Variants in COL14A1 observed in about 807,000 individuals in gnomAD.
COL14A1 encodes the protein collagen type XIV alpha 1 chain.
Under a neutral mutation model 230.3 loss-of-function variants are expected in COL14A1, and 136 were observed. The observed-to-expected ratio is 0.59, with a 90% CI of 0.51 to 0.68. The LOEUF (loss-of-function observed/expected upper bound fraction) is 0.68. Ranked by LOEUF, COL14A1 falls within the 30% of genes least tolerant of loss-of-function variation. The pLI is 0.00. For synonymous variants in COL14A1, 792 were observed against 784.1 expected (o/e 1.01, Z -0.17); for missense variants, 1,976 against 2,215.8 (o/e 0.89, Z 2.17).
At chr8:120,275,535 G>A (rs1218343038) in intron 26 of COL14A1, among the ~76,000 whole-genome samples, 1 of 151,030 alleles carries the variant, frequency 6.6e-6, no homozygotes, top group Non-Finnish European at 1.5e-5. Context: ...AATCATCAGA[G>A]TAAACAGAAA....
chr8:120,251,604 T>C (rs1317109002), intron 22 of COL14A1, among the ~76,000 whole-genome samples: 1 of 152,216 alleles, frequency 6.6e-6, no homozygotes, highest in African/African-American at 2.4e-5. Context: ...CTGTGTGCCA[T>C]ATTCCTGAAG....
chr8:120,216,512 A>G (rs775771947), intron 14 of COL14A1, 22 bp downstream of exon 14: 19 of 1,598,906 alleles, frequency 1.2e-5, no homozygotes, highest in Middle Eastern at 1.7e-4. Flanking sequence ...GACATAATGT[A>G]TATTTTTTAG....
intron 3 of COL14A1, among the ~76,000 whole-genome samples, chr8:120,161,644 T>C (rs577248398): frequency 2.0e-5 from 3 of 152,228 alleles, no homozygotes; most frequent in African/African-American, 7.2e-5. Context: ...ATAATTACCT[T>C]CGGCCTGCCC....
In COL14A1 at chr8:120,308,123, A is replaced by C. The variant is rs1244309191; in HGVS notation, c.4402-1886A>C. Among the ~76,000 whole-genome samples, 3 of 152,222 alleles carry C rather than the reference A, an allele frequency of 2.0e-5. No individual in the cohort carries two copies. The East Asian group carries it at 5.8e-4, about 29-fold the overall frequency. On this transcript the variant is annotated intron_variant, in intron 36 of 47. Coordinates refer to ENST00000297848, the MANE Select transcript of COL14A1 (RefSeq NM_021110.4). Reference sequence around the variant, plus strand: ...CAACCTCCCAAATAGCTGGGATTGCAGGCCTGTGCCACCACACTCAGCTAA... The same window carrying C: ...CAACCTCCCAAATAGCTGGGATTGCCGGCCTGTGCCACCACACTCAGCTAA...
intron 17 of COL14A1, among the ~76,000 whole-genome samples, chr8:120,227,564 AT>A (rs1818138429): frequency 6.6e-6 from 1 of 152,200 alleles, no homozygotes; most frequent in South Asian, 2.1e-4. Context: ...GGCAGGGACC[AT>A]ATCTGTGTTG....
Position 120,178,139 on chromosome 8 carries a change from T to G in COL14A1, c.436+9892T>G, listed in dbSNP as rs1034845648. Among the ~76,000 whole-genome samples the G allele has an allele frequency of 1.7e-3, 254 of 152,148 alleles. 4 individuals are homozygous for G. Among genetic ancestry groups the G allele is most frequent in the Non-Finnish European group, 9.7e-4 (66 of 67,996 alleles). On this transcript the variant is annotated intron_variant, in intron 5 of 47. Coordinates refer to ENST00000297848, the MANE Select transcript of COL14A1 (RefSeq NM_021110.4). ...TGGGATACATGTGCAGAACGTGCAGTTTTGTTACGTAGGTATACACGTGGC... is the reference window on the plus strand; with the variant it reads ...TGGGATACATGTGCAGAACGTGCAGGTTTGTTACGTAGGTATACACGTGGC...
At position 120,217,992 on chromosome 8, in the gene COL14A1, AAT is replaced by A. The variant is rs1240670105; in HGVS notation, c.1737+1509_1737+1510del. 2.8e-5 allele frequency among the ~76,000 whole-genome samples: 4 copies of A among 141,622 alleles called. No homozygotes were observed. The Admixed American group carries it at 3.0e-4, about 11-fold the overall frequency. 92.9% of individuals were successfully genotyped at this position (141,622 alleles called of 152,430 possible). A position where few individuals can be genotyped will look rare whatever the true frequency, so the allele number is the denominator to read the frequency against. On this transcript the variant is annotated intron_variant, in intron 14 of 47. Transcript: ENST00000297848. ...TTTAAATATATAATATATATTTACA[AAT>A]ATATATTATATATTTAAATTATATA...
chr8:120,247,507 A>G, intron 20 of COL14A1, 106 bp from the exon 21 acceptor site: 2 of 1,089,010 alleles, frequency 1.8e-6, no homozygotes, highest in Non-Finnish European at 2.5e-6. Context: ...ACTTTTAAAT[A>G]TTTTTAATTT....
At chr8:120,217,390 G>A (rs1429950958) in intron 14 of COL14A1, among the ~76,000 whole-genome samples, 1 of 152,140 alleles carries the variant, frequency 6.6e-6, no homozygotes, top group South Asian at 2.1e-4. Context: ...TAGCAAAACA[G>A]CGAGGTTATT....
Position 120,278,463 on chromosome 8 carries a change from C to T in COL14A1, c.3366C>T (p.Thr1122=), listed in dbSNP as rs1429020770. The T allele has an allele frequency of 1.2e-6, 2 of 1,612,784 alleles. No homozygotes were observed. The highest frequency in any genetic ancestry group is 1.1e-5 in the South Asian group (1 of 90,940). The change falls in exon 28 of 48, where the codon ACC becomes ACT. Residue 1122 remains threonine (T), a synonymous_variant. Coordinates refer to ENST00000297848, the MANE Select transcript of COL14A1 (RefSeq NM_021110.4). ...AAGCAATTAAGTATGTTCGAGATAC[C>T]TTGTTCACTGCAGAGTCAGGTACAA... ...TGKAIKYVRD[T]LFTAESGTRR...
chr8:120,255,308 G>C lies in COL14A1; in HGVS notation c.2821G>C (p.Val941Leu), dbSNP rs1470311497. ...EMTSLCAHWQ[V>L]HRHATAYRVV... ...GACCAGCTTGTGTGCCCACTGGCAGGTACATCGCCATGCCACAGCCTATAG... is the reference window on the plus strand; with the variant it reads ...GACCAGCTTGTGTGCCCACTGGCAGCTACATCGCCATGCCACAGCCTATAG... Residue 941 changes from valine to leucine, a missense_variant, in exon 23 of 48, where the codon GTA (valine) becomes CTA (leucine). Val to Leu is a conservative substitution (Grantham distance 32, BLOSUM62 1). Around this residue, in one of 3 missense-constraint regions of COL14A1, gnomAD observed 1,791 missense variants for 2,019.5 expected, o/e 0.89. Transcript: ENST00000297848. 23 of 1,614,142 alleles carry C rather than the reference G, an allele frequency of 1.4e-5. No homozygotes were observed. Among genetic ancestry groups the C allele is most frequent in the Non-Finnish European group, 1.9e-5 (23 of 1,180,004 alleles).
At chr8:120,176,573 T>C (rs1816289287) in intron 5 of COL14A1, among the ~76,000 whole-genome samples, 1 of 152,124 alleles carries the variant, frequency 6.6e-6, no homozygotes, top group Non-Finnish European at 1.5e-5. Flanking sequence ...TTCAACATGG[T>C]AAAAATGGGA....
intron 42 of COL14A1, among the ~76,000 whole-genome samples, chr8:120,339,441 G>A (rs1320392170): frequency 2.6e-5 from 4 of 152,044 alleles, no homozygotes; most frequent in Admixed American, 1.3e-4. Context: ...TCCTTTCCTC[G>A]GAAGCCCAGA....
intron 13 of COL14A1, among the ~76,000 whole-genome samples, chr8:120,215,911 G>T (rs994961490): frequency 2.0e-5 from 3 of 152,174 alleles, no homozygotes; most frequent in Non-Finnish European, 4.4e-5. Flanking sequence ...AGATACCAAC[G>T]TGGAAATGGC....
At chr8:120,207,277 A>G (rs1817465822) in intron 10 of COL14A1, among the ~76,000 whole-genome samples, 183 bp downstream of exon 10, 2 of 152,232 alleles carry the variant, frequency 1.3e-5, no homozygotes, top group Admixed American at 6.5e-5. Flanking sequence ...TGGCAATTAC[A>G]TCTTTCATCT....
At chr8:120,331,267 C>T (rs1017965724) in intron 40 of COL14A1, among the ~76,000 whole-genome samples, 5 of 152,062 alleles carry the variant, frequency 3.3e-5, no homozygotes, top group Admixed American at 1.3e-4. Context: ...ATAATTATTC[C>T]AATGGGACAC....
rs760156209 is a variant in COL14A1, at chr8:120,280,992, C to T, written c.3757C>T (p.Pro1253Ser). 7.4e-6 allele frequency: 12 copies of T among 1,612,388 alleles called. No individual in the cohort carries two copies. Among genetic ancestry groups the T allele is most frequent in the Non-Finnish European group, 1.0e-5 (12 of 1,179,200 alleles). ...ATCAGTGGAAGGGGTTTCTATGGAG[C>T]CTGGTACCTTCAATGTGTTTCCATG... ...FSSVEGVSME[P>S]GTFNVFPCYQ... The change falls in exon 31 of 48, where the codon CCT (proline) becomes TCT (serine). Residue 1253 changes from proline to serine, a missense_variant. Coordinates refer to ENST00000297848, the MANE Select transcript of COL14A1 (RefSeq NM_021110.4).
intron 39 of COL14A1, 105 bp downstream of exon 39, chr8:120,315,691 T>C (rs766909051): frequency 2.5e-5 from 25 of 1,004,806 alleles, no homozygotes; most frequent in Non-Finnish European, 3.5e-5. Context: ...GGTAAGTGTT[T>C]TCCATATTAA....
At chr8:120,264,229 C>A (rs1047628596) in intron 24 of COL14A1, among the ~76,000 whole-genome samples, 2 of 152,174 alleles carry the variant, frequency 1.3e-5, no homozygotes, top group African/African-American at 4.8e-5. Context: ...TCTTTTACAT[C>A]TGGCATCTTT....
Sources: gnomAD v4.1 joint callset for allele counts (sites outside exome capture counted in the v4.1 genomes callset) on GRCh38, gnomAD v4.1.1 for gene constraint, gnomAD v4.1.1 regional missense constraint, MANE v1.5 for transcripts, NCBI Gene and HGNC (gene_info 2026-07-23, HGNC 2026-07-21) for gene names.